Variants in MICU2 observed in about 807,000 individuals in gnomAD.
MICU2 encodes mitochondrial calcium uptake 2.
In MICU2, 64 loss-of-function variants were observed where a neutral mutation model predicts 60.4. The ratio of observed to expected loss-of-function variants is 1.06; its 90% CI spans 0.87 to 1.31. The LOEUF (loss-of-function observed/expected upper bound fraction) is 1.31, where lower values mean the gene tolerates loss of function less well. Among genes scored for constraint, MICU2 ranks in the 50% most tolerant of loss-of-function variants. The pLI, the probability that MICU2 is intolerant of heterozygous loss-of-function variation, is 0.00. For synonymous variants in MICU2, 201 were observed against 175.0 expected (o/e 1.15, Z -1.17); for missense variants, 569 against 531.0 (o/e 1.07, Z -0.70).
intron 6 of MICU2, among the ~76,000 whole-genome samples, chr13:21,518,213 G>C (rs1418312042): frequency 6.6e-6 from 1 of 152,156 alleles, no homozygotes; most frequent in African/African-American, 2.4e-5. Context: ...TTTTAAAGTA[G>C]GTATGCATAA....
At chr13:21,575,421 T>TAAA (rs11369175) in intron 1 of MICU2, among the ~76,000 whole-genome samples, 1 of 140,948 alleles carries the variant, frequency 7.1e-6, no homozygotes. Context: ...TTCGAATGAT[T>TAAA]AAAAAAAAAA....
At chr13:21,548,161 G>A (rs1391810642) in intron 2 of MICU2, among the ~76,000 whole-genome samples, 1 of 152,074 alleles carries the variant, frequency 6.6e-6, no homozygotes, top group African/African-American at 2.4e-5. Context: ...TGTTGACAAG[G>A]AAAATAACTC....
rs577203784 is a variant in MICU2 at position 21,556,928 on chromosome 13, G to C, written c.358+9869C>G. On this transcript the variant is annotated intron_variant, in intron 2 of 11. Transcript: ENST00000382374. ...GAGGACTATCAAAATTAGTGGCTCCGATCTGCACAATCACATGATTTTCTC... is the reference window on the plus strand; with the variant it reads ...GAGGACTATCAAAATTAGTGGCTCCCATCTGCACAATCACATGATTTTCTC... 5.3e-5 allele frequency among the ~76,000 whole-genome samples: 8 copies of C among 152,260 alleles called. No individual in the cohort carries two copies. In the South Asian group the frequency reaches 1.7e-3, roughly 32 times the overall value.
chr13:21,553,629 C>T (rs1332826848), intron 2 of MICU2, among the ~76,000 whole-genome samples: 18 of 152,210 alleles, frequency 1.2e-4, no homozygotes, highest in African/African-American at 3.1e-4. Context: ...CATCAACTAA[C>T]GAGCAAAATA....
At chr13:21,512,549 A>G (rs1352195842) in intron 7 of MICU2, among the ~76,000 whole-genome samples, 4 of 147,366 alleles carry the variant, frequency 2.7e-5, no homozygotes, top group African/African-American at 1.0e-4. Flanking sequence ...CCAGGTTCAC[A>G]CCATTCTCCT....
intron 8 of MICU2, among the ~76,000 whole-genome samples, chr13:21,507,749 G>A (rs1209144677): frequency 2.0e-5 from 3 of 151,600 alleles, no homozygotes; most frequent in Admixed American, 1.3e-4. Context: ...GATTACAGAT[G>A]CCTGCCACCT....
chr13:21,565,484 C>G (rs569754892), intron 2 of MICU2, among the ~76,000 whole-genome samples: 17 of 152,154 alleles, frequency 1.1e-4, no homozygotes, highest in African/African-American at 3.4e-4. Context: ...AGTGAAACAC[C>G]GTCTCTATTA....
intron 1 of MICU2, among the ~76,000 whole-genome samples, chr13:21,585,034 A>G (rs987595462): frequency 1.5e-4 from 23 of 152,208 alleles, no homozygotes; most frequent in African/African-American, 5.1e-4. Flanking sequence ...TTCCCCCAGA[A>G]GAGTCACTGT....
At chr13:21,566,228 A>T (rs113185458) in intron 2 of MICU2, among the ~76,000 whole-genome samples, 79 of 152,326 alleles carry the variant, frequency 5.2e-4, no homozygotes, top group Non-Finnish European at 8.8e-4. Flanking sequence ...ACACTTAGGA[A>T]GGCGTCAGAA....
intron 6 of MICU2, among the ~76,000 whole-genome samples, chr13:21,518,750 A>G (rs1886643048): frequency 6.6e-6 from 1 of 152,210 alleles, no homozygotes; most frequent in Non-Finnish European, 1.5e-5. Context: ...CCCTGAGGTA[A>G]AGTGAAGTAG....
intron 1 of MICU2, among the ~76,000 whole-genome samples, chr13:21,572,274 A>T (rs12430739): frequency 0.34 from 51,916 of 152,146 alleles, 9,332 homozygotes; most frequent in South Asian, 0.4. Context: ...GAAAAACATA[A>T]GCTACAAACG....
intron 4 of MICU2, among the ~76,000 whole-genome samples, chr13:21,534,201 CT>C (rs993983775): frequency 4.2e-5 from 6 of 144,516 alleles, no homozygotes; most frequent in Admixed American, 7.1e-5. Context: ...TAAATATTTC[CT>C]TTTCCTTTCC....
At position 21,574,183 on chromosome 13, in the gene MICU2, G is replaced by A. The variant is rs1483784577; in HGVS notation, c.211-7239C>T. ...CTGTTATCCTATCCCTACCCGAGAT[G>A]CAACTTACAGTCTTCTGAAGTGGAA... On this transcript the variant is annotated intron_variant, in intron 1 of 11. Transcript: ENST00000382374. 2.6e-5 allele frequency among the ~76,000 whole-genome samples: 4 copies of A among 152,190 alleles called. No individual in the cohort carries two copies. The East Asian group carries it at 7.7e-4, about 29-fold the overall frequency.
At chr13:21,503,275 T>C (rs1886223623) in intron 8 of MICU2, among the ~76,000 whole-genome samples, 178 bp from the exon 9 acceptor site, 2 of 152,242 alleles carry the variant, frequency 1.3e-5, no homozygotes, top group Admixed American at 1.3e-4. Flanking sequence ...GCAGAGAAAC[T>C]GATTAAGTCC....
chr13:21,582,055 T>A (rs2181750), intron 1 of MICU2, among the ~76,000 whole-genome samples: 148,501 of 152,322 alleles, frequency 0.97, 72,487 homozygotes, highest in Middle Eastern at 1. Flanking sequence ...TCTATATAAG[T>A]AAGTGGCCAT....
At chr13:21,580,191 T>C (rs186229207) in intron 1 of MICU2, among the ~76,000 whole-genome samples, 1 of 152,304 alleles carries the variant, frequency 6.6e-6, no homozygotes, top group Admixed American at 6.5e-5. Context: ...CAGTGAATCA[T>C]ATACTAAGTA....
intron 9 of MICU2, among the ~76,000 whole-genome samples, chr13:21,501,268 CTTTT>C (rs1298258740): frequency 6.9e-6 from 1 of 145,334 alleles, no homozygotes. Flanking sequence ...CATATAAAGT[CTTTT>C]TTTTTTTTGA....
chr13:21,593,306 G>T (rs1888623136), intron 1 of MICU2, among the ~76,000 whole-genome samples: 1 of 151,962 alleles, frequency 6.6e-6, no homozygotes, highest in Non-Finnish European at 1.5e-5. Context: ...CAGCTAACAA[G>T]GGATGTGAAG....
At chr13:21,553,730 C>A (rs1273493872) in intron 2 of MICU2, among the ~76,000 whole-genome samples, 1 of 152,170 alleles carries the variant, frequency 6.6e-6, no homozygotes, top group Non-Finnish European at 1.5e-5. Flanking sequence ...TTAAAAGGCA[C>A]AGACTGACAA....
Sources: allele counts gnomAD v4.1 joint callset (sites outside exome capture counted in the v4.1 genomes callset), GRCh38; gene constraint gnomAD v4.1.1; transcripts MANE v1.5; gene names NCBI Gene and HGNC (gene_info 2026-07-23, HGNC 2026-07-21).